The following LRRC74B variants were observed in gnomAD, a reference collection of about 807,000 sequenced individuals.
LRRC74B encodes leucine rich repeat containing 74B, also known as leucine-rich repeat-containing protein 74B.
LRRC74B carries 30 observed loss-of-function variants against 16.6 expected under a neutral mutation model. The ratio of observed to expected loss-of-function variants is 1.80; its 90% confidence interval spans 1.35 to 2.45. LRRC74B has a LOEUF of 2.45. Ranked by LOEUF, LRRC74B falls within the 30% of genes most tolerant of loss-of-function variation. The pLI, the probability that LRRC74B is intolerant of heterozygous loss-of-function variation, is 0.00. For synonymous variants in LRRC74B, 134 were observed against 86.0 expected (o/e 1.56, Z -3.09); for missense variants, 326 against 202.4 (o/e 1.61, Z -3.71).
chr22:21,055,919 C>T (rs1219620149), intron 7 of LRRC74B, among the ~76,000 whole-genome samples: 1 of 152,204 alleles, frequency 6.6e-6, no homozygotes, highest in African/African-American at 2.4e-5. Context: ...ATACCCCCCT[C>T]TAAGGGCCAC....
At chr22:21,062,363 C>T (rs1418324718), downstream of LRRC74B, 1 of 152,164 alleles carries the variant, frequency 6.6e-6, no homozygotes, top group Non-Finnish European at 1.5e-5. Flanking sequence ...ATGTGAAATA[C>T]ATCTCAAGAA....
downstream of LRRC74B, chr22:21,062,425 A>G (rs565148180): frequency 2.0e-5 from 3 of 152,326 alleles, no homozygotes; most frequent in Admixed American, 2.0e-4. Flanking sequence ...TTAAAAAAGT[A>G]TAAATATGGC....
chr22:21,048,039 G>C, intron 3 of LRRC74B, 23 bp downstream of exon 3: 3 of 716,994 alleles, frequency 4.2e-6, no homozygotes, highest in East Asian at 2.7e-5. Flanking sequence ...TCTGGGGCAG[G>C]TGGGCAGGCG....
chr22:21,047,770 G>A (rs750108658), intron 2 of LRRC74B, 114 bp from the exon 3 acceptor site: 112 of 651,380 alleles, frequency 1.7e-4, no homozygotes, highest in Non-Finnish European at 2.6e-4. Context: ...AGAAGCAGGT[G>A]TCACTTAAAA....
At chr22:21,056,837 C>G (rs1490009410) in intron 7 of LRRC74B, 1 of 426,526 alleles carries the variant, frequency 2.3e-6, no homozygotes, top group Non-Finnish European at 4.2e-6. Context: ...TCCTTTCCCT[C>G]CCCTCTCCCC....
intron 2 of LRRC74B, 97 bp from the exon 3 acceptor site, chr22:21,047,787 G>A (rs1326906386): frequency 3.0e-6 from 2 of 674,274 alleles, no homozygotes; most frequent in East Asian, 5.4e-5. Context: ...AAAACAGGTG[G>A]GAAGGGGAGG....
chr22:21,046,318 A>G (rs1247212447), intron 1 of LRRC74B, among the ~76,000 whole-genome samples, 193 bp downstream of exon 1: 1 of 133,650 alleles, frequency 7.5e-6, no homozygotes, highest in Non-Finnish European at 1.7e-5. Flanking sequence ...ACAGTGCACC[A>G]AGGGCTGTCC....
chr22:21,060,563 G>A (rs1217897850), downstream of LRRC74B: 29 of 688,888 alleles, frequency 4.2e-5, no homozygotes, highest in Non-Finnish European at 7.0e-5. Context: ...CCAATCAGCT[G>A]CTTTGACCTC....
chr22:21,047,340 C>T lies in LRRC74B; in HGVS notation c.140-16C>T. 3 of 716,566 alleles carry T rather than the reference C, an allele frequency of 4.2e-6. No individual in the cohort carries two copies. The highest frequency in any genetic ancestry group is 2.3e-4 in the Middle Eastern group (1 of 4,360). 44.4% of individuals were successfully genotyped at this position (716,566 alleles called of 1,614,324 possible). On this transcript the variant is annotated splice_polypyrimidine_tract_variant and intron_variant, in intron 1 of 8. Transcript: ENST00000442047. ...AGCTGTGCAGGGTCCACATTCGTCC[C>T]CCTGTCTCCTGCCAGGCACCGATGG... is the stretch of plus-strand genomic sequence containing the variant.
chr22:21,053,669 G>A, intron 6 of LRRC74B, 194 bp downstream of exon 6: 1 of 508,632 alleles, frequency 2.0e-6, no homozygotes, highest in African/African-American at 1.9e-5. Context: ...TATTGCCCAG[G>A]GTAGAGTGCA....
At chr22:21,054,634 G>A (rs991144744) in intron 6 of LRRC74B, among the ~76,000 whole-genome samples, 1 of 152,248 alleles carries the variant, frequency 6.6e-6, no homozygotes, top group Admixed American at 6.5e-5. Flanking sequence ...ATACGGAGGT[G>A]CAGCCAGAGC....
intron 5 of LRRC74B, among the ~76,000 whole-genome samples, 188 bp downstream of exon 5, chr22:21,052,546 C>T (rs73394588): frequency 0.02 from 2,999 of 152,320 alleles, 94 homozygotes; most frequent in African/African-American, 0.068. Context: ...ACTGTGCTCA[C>T]CGTCACATAC....
chr22:21,060,258 C>T, intron 8 of LRRC74B, 115 bp from the exon 9 acceptor site: 1 of 613,652 alleles, frequency 1.6e-6, no homozygotes, highest in East Asian at 2.8e-5. Flanking sequence ...AGACTGTCAT[C>T]CACAGGGGAG....
rs189609577 is a variant in LRRC74B, at chr22:21,060,128, C to T, written c.1024-245C>T. Among the ~76,000 whole-genome samples the T allele has an allele frequency of 4.1e-3, 626 of 152,240 alleles. 4 individuals carry two copies. The highest frequency in any genetic ancestry group is 0.014 in the African/African-American group (597 of 41,516). On this transcript the variant is annotated intron_variant, in intron 8 of 8. Coordinates refer to ENST00000442047, the Ensembl canonical transcript of LRRC74B. ...AGGGATGAAGTGAGCTATGATTGAG[C>T]CACTGCACTCCAGCCTGGTGACACA...
At chr22:21,048,295 C>T in intron 3 of LRRC74B, 2 of 439,690 alleles carry the variant, frequency 4.5e-6, no homozygotes, top group Non-Finnish European at 8.5e-6. Context: ...GGGAGACTCC[C>T]AGTACCTGAA....
chr22:21,059,178 A>G (rs1297923661), intron 8 of LRRC74B, among the ~76,000 whole-genome samples: 3 of 152,240 alleles, frequency 2.0e-5, no homozygotes, highest in Non-Finnish European at 4.4e-5. Context: ...ACCTGAGGTC[A>G]GGAGTTCGAG....
downstream of LRRC74B, chr22:21,063,556 A>G (rs1308967552): frequency 6.6e-6 from 1 of 152,106 alleles, no homozygotes; most frequent in East Asian, 1.9e-4. Flanking sequence ...CTTAAAAAAA[A>G]AAAAAGCTGG....
At chr22:21,063,030 C>CG (rs1930886634), downstream of LRRC74B, 1 of 105,578 alleles carries the variant, frequency 9.5e-6, no homozygotes, top group African/African-American at 3.9e-5. Flanking sequence ...GAACCTGTCT[C>CG]GAAAAAAAAA....
chr22:21,047,992 C>T (rs1275404649), exon 3 of LRRC74B: 5 of 717,316 alleles, frequency 7.0e-6, no homozygotes, highest in Non-Finnish European at 1.3e-5. Flanking sequence ...GGCAGGTGCC[C>T]TGAGCAAAAG....
Sources: gnomAD v4.1 joint callset for allele counts (sites outside exome capture counted in the v4.1 genomes callset) on GRCh38, gnomAD v4.1.1 for gene constraint, MANE v1.5 for transcripts, NCBI Gene and HGNC (gene_info 2026-07-23, HGNC 2026-07-21) for gene names.